Variants in RAP1GDS1 observed in about 807,000 individuals in gnomAD.
The protein encoded by RAP1GDS1 is Rap1 GTPase-GDP dissociation stimulator 1.
Under a neutral mutation model 71.1 loss-of-function variants are expected in RAP1GDS1, and 35 were observed. The ratio of observed to expected loss-of-function variants is 0.49; its 90% confidence interval spans 0.38 to 0.65. The LOEUF is 0.65. Among genes scored for constraint, RAP1GDS1 ranks in the 30% least tolerant of loss-of-function variants. RAP1GDS1 has a pLI of 0.00. For synonymous variants in RAP1GDS1, 229 were observed against 243.1 expected (o/e 0.94, Z 0.54); for missense variants, 663 against 706.1 (o/e 0.94, Z 0.69).
chr4:98,432,260 T>C (rs1750534682), intron 12 of RAP1GDS1, among the ~76,000 whole-genome samples: 1 of 152,236 alleles, frequency 6.6e-6, no homozygotes, highest in Admixed American at 6.5e-5. Context: ...TTCCTTCTAC[T>C]ACACTGGTCT....
At chr4:98,353,873 C>A (rs1481816814) in intron 4 of RAP1GDS1, among the ~76,000 whole-genome samples, 3 of 152,106 alleles carry the variant, frequency 2.0e-5, no homozygotes, top group African/African-American at 4.8e-5. Flanking sequence ...TTTATAATAT[C>A]AACTTTCAAG....
In RAP1GDS1 at chr4:98,400,346, G is replaced by A. The variant is rs75443367; in HGVS notation, c.638-4131G>A. ...TGAAGAGGTAAAATGTGATGTATAT[G>A]TATATACACACACACACACAATGGA... On this transcript the variant is annotated intron_variant, in intron 6 of 14. Coordinates refer to ENST00000408927, the MANE Select transcript of RAP1GDS1 (RefSeq NM_001100427.2). 5.0e-3 allele frequency among the ~76,000 whole-genome samples: 754 copies of A among 151,842 alleles called. 7 individuals are homozygous for A. The highest frequency in any genetic ancestry group is 0.018 in the South Asian group (86 of 4,800).
At chr4:98,370,850 T>G (rs967677506) in intron 4 of RAP1GDS1, among the ~76,000 whole-genome samples, 1 of 152,068 alleles carries the variant, frequency 6.6e-6, no homozygotes, top group Non-Finnish European at 1.5e-5. Context: ...GGATTACAGG[T>G]GTGAGCCATC....
At chr4:98,265,140 A>G (rs1235221795) in intron 1 of RAP1GDS1, among the ~76,000 whole-genome samples, 1 of 152,182 alleles carries the variant, frequency 6.6e-6, no homozygotes, top group African/African-American at 2.4e-5. Context: ...ACTTCAGAAG[A>G]TTGTTGTTGG....
rs765409278 is a variant in RAP1GDS1, at chr4:98,436,979, A to G, written c.1607A>G (p.Gln536Arg). The G allele has an allele frequency of 4.3e-6, 7 of 1,611,964 alleles. No homozygotes were observed. The highest frequency in any genetic ancestry group is 8.5e-7 in the Non-Finnish European group (1 of 1,179,484). Residue 536 changes from glutamine (Q) to arginine (R), a missense_variant, in exon 14 of 15, where the codon CAG becomes CGG. Gln to Arg is a conservative substitution (Grantham distance 43). Coordinates refer to ENST00000408927, the MANE Select transcript of RAP1GDS1 (RefSeq NM_001100427.2). ...GATCTAGAAAGTGCTAAACTTGTACAGATTTTACATAGACTGCTAGCAGAT... is the reference window on the plus strand; with the variant it reads ...GATCTAGAAAGTGCTAAACTTGTACGGATTTTACATAGACTGCTAGCAGAT... ...EKDLESAKLVQILHRLLADER... is the reference protein window; with the variant it reads ...EKDLESAKLVRILHRLLADER...
At chr4:98,379,351 A>G in intron 5 of RAP1GDS1, 188 bp downstream of exon 5, 1 of 644,178 alleles carries the variant, frequency 1.6e-6, no homozygotes, top group South Asian at 3.4e-5. Context: ...ACTAAATGGG[A>G]CTAATTTTTG....
intron 2 of RAP1GDS1, among the ~76,000 whole-genome samples, chr4:98,299,669 C>A (rs28807427): frequency 0.042 from 6,269 of 150,326 alleles, 307 homozygotes; most frequent in African/African-American, 0.12. Flanking sequence ...GAGTCTCACT[C>A]TGTCGCCCAG....
At chr4:98,348,644 T>C (rs1220075053) in intron 3 of RAP1GDS1, among the ~76,000 whole-genome samples, 1 of 152,190 alleles carries the variant, frequency 6.6e-6, no homozygotes, top group African/African-American at 2.4e-5. Flanking sequence ...TCCTGACTTT[T>C]TAATGATCAC....
chr4:98,293,564 G>A lies in RAP1GDS1; in HGVS notation c.112+49G>A, dbSNP rs569642512. The stretch of plus-strand genomic sequence containing the variant: ...AATTCCAAAGAAGAAAATCAAATCA[G>A]TAGTCATTCAGAAACTGGTATGTAG... On this transcript the variant is annotated intron_variant, in intron 2 of 14. Coordinates refer to ENST00000408927, the MANE Select transcript of RAP1GDS1 (RefSeq NM_001100427.2). 27 of 1,388,914 alleles carry A rather than the reference G, an allele frequency of 1.9e-5. No individual in the cohort carries two copies. The South Asian group carries it at 3.0e-4, about 15-fold the overall frequency. The allele number at this position is 1,388,914 out of a possible 1,614,324, so 86.0% of individuals were successfully genotyped here. A position where few individuals can be genotyped will look rare whatever the true frequency, so the allele number is the denominator to read the frequency against.
In RAP1GDS1 at chr4:98,441,589, C is replaced by T. The variant is rs1014516258; in HGVS notation, c.1697-401C>T. The T allele has an allele frequency of 5.0e-5, 49 of 984,780 alleles. No homozygotes were observed. In the Middle Eastern group the frequency reaches 1.5e-3, roughly 31 times the overall value. The allele number at this position is 984,780 out of a possible 1,614,324, so 61.0% of individuals were successfully genotyped here. On this transcript the variant is annotated intron_variant, in intron 14 of 14. Coordinates refer to ENST00000408927, the MANE Select transcript of RAP1GDS1 (RefSeq NM_001100427.2). ...ATTAATCTTACATTGTAGAACTTGA[C>T]GTCTCGTTTTTCTTTTTAAAAATTG...
intron 1 of RAP1GDS1, among the ~76,000 whole-genome samples, chr4:98,283,334 G>T (rs1011678569): frequency 3.9e-5 from 6 of 152,112 alleles, no homozygotes; most frequent in African/African-American, 1.2e-4. Flanking sequence ...GCATTTCTGG[G>T]GATGGTGATG....
intron 2 of RAP1GDS1, among the ~76,000 whole-genome samples, chr4:98,311,442 A>G (rs1184193044): frequency 6.6e-6 from 1 of 152,222 alleles, no homozygotes; most frequent in Non-Finnish European, 1.5e-5. Context: ...TGTCATTTCC[A>G]AGACAACAGA....
intron 7 of RAP1GDS1, among the ~76,000 whole-genome samples, chr4:98,415,081 AT>A (rs1397379182): frequency 1.3e-5 from 2 of 152,156 alleles, no homozygotes; most frequent in Non-Finnish European, 2.9e-5. Flanking sequence ...TCCCCAGGGT[AT>A]TATTAATATT....
intron 2 of RAP1GDS1, chr4:98,296,955 G>A (rs1013220935): frequency 3.0e-5 from 10 of 331,738 alleles, no homozygotes; most frequent in Non-Finnish European, 4.5e-5. Flanking sequence ...GGACCATAAA[G>A]TGTGCCATAC....
chr4:98,361,769 A>G lies in RAP1GDS1; in HGVS notation c.361+9168A>G, dbSNP rs564272005. 4.6e-5 allele frequency among the ~76,000 whole-genome samples: 7 copies of G among 152,330 alleles called. 1 individual carries two copies. The highest frequency in any genetic ancestry group is 1.7e-4 in the African/African-American group (7 of 41,592). ...TTTCCTGATCTGGCATTACAAGTGT[A>G]AATGTATATACACCTTGAAATTTTC... On this transcript the variant is annotated intron_variant, in intron 4 of 14. Transcript: ENST00000408927.
chr4:98,328,043 C>T (rs530732439), intron 2 of RAP1GDS1, among the ~76,000 whole-genome samples: 6 of 152,224 alleles, frequency 3.9e-5, no homozygotes, highest in South Asian at 4.1e-4. Flanking sequence ...TGAAACCTAG[C>T]GTAAAGACAA....
In RAP1GDS1 at chr4:98,369,312, A is replaced by G. The variant is rs147458607; in HGVS notation, c.362-9705A>G. On this transcript the variant is annotated intron_variant, in intron 4 of 14. Coordinates refer to ENST00000408927, the MANE Select transcript of RAP1GDS1 (RefSeq NM_001100427.2). The stretch of plus-strand genomic sequence containing the variant: ...CTTAAATATAATGTTTCAGTGGCTC[A>G]TCATTCTTTTAATGCTTAATAACCA... 3.9e-5 allele frequency among the ~76,000 whole-genome samples: 6 copies of G among 152,312 alleles called. No homozygotes were observed. In the East Asian group the frequency reaches 5.8e-4, roughly 15 times the overall value.
At chr4:98,318,024 G>T (rs1731208059) in intron 2 of RAP1GDS1, among the ~76,000 whole-genome samples, 1 of 151,878 alleles carries the variant, frequency 6.6e-6, no homozygotes, top group Non-Finnish European at 1.5e-5. Flanking sequence ...TGTATTTTTA[G>T]TAGAGACGGG....
chr4:98,264,403 AAT>A (rs939667423), intron 1 of RAP1GDS1, among the ~76,000 whole-genome samples: 1 of 151,676 alleles, frequency 6.6e-6, no homozygotes. Flanking sequence ...TCTCAAAAAA[AAT>A]ATATATATAT....
Sources: gnomAD v4.1 joint callset for allele counts (sites outside exome capture counted in the v4.1 genomes callset) on GRCh38, gnomAD v4.1.1 for gene constraint, MANE v1.5 for transcripts, NCBI Gene and HGNC (gene_info 2026-07-23, HGNC 2026-07-21) for gene names.